The following TBC1D15 variants were observed in gnomAD, a reference collection of about 807,000 sequenced individuals.
The protein encoded by TBC1D15 is TBC1 domain family member 15, also known as GAP for RAB7.
TBC1D15 carries 39 observed loss-of-function variants against 95.4 expected under a neutral mutation model. The ratio of observed to expected loss-of-function variants is 0.41; its 90% CI spans 0.32 to 0.53. The LOEUF (loss-of-function observed/expected upper bound fraction) is 0.53, where lower values mean the gene tolerates loss of function less well. TBC1D15 is among the 20% of genes least tolerant of loss of function. The pLI is 0.29. For missense variants in TBC1D15, 733 were observed against 794.3 expected, an observed-to-expected ratio of 0.92 and a Z score of 0.93; for synonymous variants, 258 against 261.3, an observed-to-expected ratio of 0.99 and a Z score of 0.12.
At chr12:71,852,926 G>C (rs1396725500) in intron 1 of TBC1D15, among the ~76,000 whole-genome samples, 1 of 152,076 alleles carries the variant, frequency 6.6e-6, no homozygotes, top group Admixed American at 6.6e-5. Flanking sequence ...TCTGACCTCT[G>C]TCTGTTACCC....
chr12:71,880,559 G>A lies in TBC1D15; in HGVS notation c.295G>A (p.Asp99Asn). 1 of 1,613,398 alleles carries A rather than the reference G, an allele frequency of 6.2e-7. No individual in the cohort carries two copies. Among genetic ancestry groups the A allele is most frequent in the Admixed American group, 1.7e-5 (1 of 59,966 alleles). ...EHLNSYEAEW[D>N]MVNTVSFKRK... Reference sequence around the variant, plus strand: ...TCTGAACAGTTACGAAGCAGAATGGGACATGGTTAATACAGTTTCATTTAA... The same window carrying A: ...TCTGAACAGTTACGAAGCAGAATGGAACATGGTTAATACAGTTTCATTTAA... Residue 99 changes from aspartate to asparagine, a missense_variant, in exon 4 of 17, where the codon GAC becomes AAC. By Grantham distance (23) the Asp-to-Asn change is conservative. Coordinates refer to ENST00000485960, the MANE Select transcript of TBC1D15 (RefSeq NM_001146213.3).
intron 1 of TBC1D15, among the ~76,000 whole-genome samples, chr12:71,840,899 G>A (rs773529208): frequency 5.3e-5 from 8 of 152,022 alleles, no homozygotes; most frequent in Non-Finnish European, 1.2e-4. Flanking sequence ...TTGTCTTTTC[G>A]CGTTCTTTAT....
intron 14 of TBC1D15, among the ~76,000 whole-genome samples, chr12:71,919,359 T>C (rs1462496517): frequency 6.6e-6 from 1 of 152,086 alleles, no homozygotes; most frequent in Non-Finnish European, 1.5e-5. Context: ...AGTGTGCTTG[T>C]TCATAGAATG....
intron 1 of TBC1D15, among the ~76,000 whole-genome samples, chr12:71,867,145 A>G (rs1255362335): frequency 6.6e-6 from 1 of 152,246 alleles, no homozygotes; most frequent in Non-Finnish European, 1.5e-5. Flanking sequence ...TTAAAGGCCA[A>G]ATGCTCCTGC....
intron 1 of TBC1D15, chr12:71,849,343 G>A: frequency 7.5e-7 from 1 of 1,325,890 alleles, no homozygotes; most frequent in Middle Eastern, 2.3e-4. Context: ...AGGAGGCAAT[G>A]GAGCTTCTAG....
At chr12:71,854,603 G>A (rs972625651) in intron 1 of TBC1D15, 13 of 456,546 alleles carry the variant, frequency 2.8e-5, no homozygotes, top group Admixed American at 2.6e-4. Flanking sequence ...TTAACAGATG[G>A]TATGTATTTA....
intron 1 of TBC1D15, 27 bp from the exon 2 acceptor site, chr12:71,872,033 AGAAATTATGT>A: frequency 1.0e-6 from 1 of 1,002,508 alleles, no homozygotes; most frequent in Non-Finnish European, 1.4e-6. Flanking sequence ...AGTACTCAAT[AGAAATTATGT>A]GACTAACTTT....
Position 71,917,789 on chromosome 12 carries a change from G to T in TBC1D15, c.1493G>T (p.Ser498Ile). 1 of 1,608,720 alleles carries T rather than the reference G, an allele frequency of 6.2e-7. No individual in the cohort carries two copies. Among genetic ancestry groups the T allele is most frequent in the East Asian group, 2.2e-5 (1 of 44,808 alleles). Residue 498 changes from serine to isoleucine, a missense_variant, in exon 13 of 17, where the codon AGT becomes ATT. Coordinates refer to ENST00000485960, the MANE Select transcript of TBC1D15 (RefSeq NM_001146213.3). ...LLRLLDSGFC[S>I]YLESQDSGYL... Reference sequence around the variant, plus strand: ...CGATTGTTAGACAGTGGATTTTGCAGTTACTTAGGTAAGTTTAGTGAATCA... The same window carrying T: ...CGATTGTTAGACAGTGGATTTTGCATTTACTTAGGTAAGTTTAGTGAATCA...
chr12:71,872,133 G>T lies in TBC1D15; in HGVS notation c.94G>T (p.Gly32Cys). The change falls in exon 2 of 17, where the codon GGC becomes TGC. Residue 32 changes from glycine to cysteine, a missense_variant. By Grantham distance (159) the Gly-to-Cys change is radical. Transcript: ENST00000485960. ...SSCGKTNDQD[G>C]LISGILRVLE... ...TTGTGGAAAGACCAATGACCAAGAC[G>T]GCTTGATTTCAGGAATATTACGTGT... 2 of 1,575,348 alleles carry T rather than the reference G, an allele frequency of 1.3e-6. No homozygotes were observed. Among genetic ancestry groups the T allele is most frequent in the Non-Finnish European group, 1.7e-6 (2 of 1,162,798 alleles).
At chr12:71,850,912 G>A (rs548840420) in intron 1 of TBC1D15, among the ~76,000 whole-genome samples, 2 of 149,686 alleles carry the variant, frequency 1.3e-5, no homozygotes, top group Non-Finnish European at 3.0e-5. Context: ...GCTTGAACCC[G>A]GGAGGCAGAG....
At chr12:71,848,090 T>C (rs1886791095) in intron 1 of TBC1D15, among the ~76,000 whole-genome samples, 1 of 152,116 alleles carries the variant, frequency 6.6e-6, no homozygotes, top group African/African-American at 2.4e-5. Flanking sequence ...AGAGCGAAAC[T>C]CTGTCTCGAA....
intron 11 of TBC1D15, among the ~76,000 whole-genome samples, chr12:71,908,849 A>T (rs539453059): frequency 6.6e-6 from 1 of 152,330 alleles, no homozygotes; most frequent in South Asian, 2.1e-4. Context: ...TTATGGTCAC[A>T]CAAGTAAATA....
chr12:71,893,006 G>A (rs1592776110), intron 5 of TBC1D15, among the ~76,000 whole-genome samples: 1 of 151,258 alleles, frequency 6.6e-6, no homozygotes, highest in African/African-American at 2.4e-5. Flanking sequence ...TATATACAGT[G>A]TATTTAGTAT....
At chr12:71,848,954 C>T (rs1029131739) in intron 1 of TBC1D15, among the ~76,000 whole-genome samples, 2 of 152,160 alleles carry the variant, frequency 1.3e-5, no homozygotes, top group South Asian at 4.1e-4. Flanking sequence ...CACATCATGT[C>T]TATAAAAACA....
intron 5 of TBC1D15, among the ~76,000 whole-genome samples, chr12:71,889,344 C>T (rs906266460): frequency 6.6e-6 from 1 of 152,144 alleles, no homozygotes; most frequent in African/African-American, 2.4e-5. Flanking sequence ...GGGCAATTTA[C>T]GTTTTGACCC....
At chr12:71,903,399 A>G (rs1566048321) in intron 10 of TBC1D15, among the ~76,000 whole-genome samples, 1 of 152,332 alleles carries the variant, frequency 6.6e-6, no homozygotes, top group East Asian at 1.9e-4. Flanking sequence ...AGAAAAGGGA[A>G]TGCTTATACA....
chr12:71,909,202 C>G (rs1901563314), intron 11 of TBC1D15, among the ~76,000 whole-genome samples: 1 of 152,176 alleles, frequency 6.6e-6, no homozygotes, highest in South Asian at 2.1e-4. Context: ...GTCAAGCTTC[C>G]TGTGGATAAC....
At chr12:71,881,674 T>C (rs891570684) in intron 4 of TBC1D15, among the ~76,000 whole-genome samples, 1 of 151,770 alleles carries the variant, frequency 6.6e-6, no homozygotes, top group Non-Finnish European at 1.5e-5. Flanking sequence ...TCCCAACACT[T>C]TGGGAGGCCA....
chr12:71,861,532 TG>T, intron 1 of TBC1D15: 2 of 1,486,874 alleles, frequency 1.3e-6, no homozygotes, highest in South Asian at 2.7e-5. Context: ...TGTATTTCTG[TG>T]GTATGTTTTA....
Sources: gnomAD v4.1 joint callset for allele counts (sites outside exome capture counted in the v4.1 genomes callset) on GRCh38, gnomAD v4.1.1 for gene constraint, MANE v1.5 for transcripts, NCBI Gene and HGNC (gene_info 2026-07-23, HGNC 2026-07-21) for gene names.